The following ELOVL6 variants were observed in gnomAD, a reference collection of about 807,000 sequenced individuals.
ELOVL6 encodes very long chain fatty acid elongase 6.
ELOVL6 carries 8 observed loss-of-function variants against 31.7 expected under a neutral mutation model. The observed-to-expected ratio is 0.25, with a 90% confidence interval of 0.15 to 0.45. ELOVL6 has a LOEUF of 0.45. Among genes scored for constraint, ELOVL6 ranks in the 20% least tolerant of loss-of-function variants. The pLI is 1.00. For synonymous variants in ELOVL6, 101 were observed against 117.7 expected, an observed-to-expected ratio of 0.86 and a Z score of 0.92; for missense variants, 126 against 326.4, an observed-to-expected ratio of 0.39 and a Z score of 4.73.
intron 2 of ELOVL6, among the ~76,000 whole-genome samples, chr4:110,099,731 T>TCTGCC (rs1756686531): frequency 1.3e-5 from 2 of 152,292 alleles, no homozygotes; most frequent in Admixed American, 1.3e-4. Flanking sequence ...AGGTAACTGG[T>TCTGCC]AGAGGCTCCT....
At chr4:110,109,882 C>T (rs922707639) in intron 1 of ELOVL6, among the ~76,000 whole-genome samples, 1 of 152,100 alleles carries the variant, frequency 6.6e-6, no homozygotes, top group African/African-American at 2.4e-5. Flanking sequence ...TCTTTCATGT[C>T]GTATCTACAT....
Position 110,159,717 on chromosome 4 carries a change from G to A in ELOVL6, c.89+38530C>T, listed in dbSNP as rs147548143. On this transcript the variant is annotated intron_variant, in intron 1 of 3. Coordinates refer to ENST00000302274, the MANE Select transcript of ELOVL6 (RefSeq NM_024090.3). ...CGTTGGTGTTTCTAACAGTTACAGA[G>A]AATGCAAAGTCACCCTGCAAAAGGA... is the stretch of plus-strand genomic sequence containing the variant. 1.7e-3 allele frequency among the ~76,000 whole-genome samples: 255 copies of A among 152,190 alleles called. 2 individuals carry two copies. In the East Asian group the frequency reaches 0.036, roughly 22 times the overall value.
chr4:110,083,986 A>AT (rs1560813350), intron 2 of ELOVL6, among the ~76,000 whole-genome samples: 2 of 60,244 alleles, frequency 3.3e-5, no homozygotes, highest in Admixed American at 1.4e-4. Flanking sequence ...TATGCCATAT[A>AT]CGATATATAA....
At position 110,054,225 on chromosome 4, in the gene ELOVL6, A is replaced by G. The variant is rs547988324; in HGVS notation, c.374-2463T>C. 2.2e-4 allele frequency among the ~76,000 whole-genome samples: 33 copies of G among 152,342 alleles called. No individual in the cohort carries two copies. In the South Asian group the frequency reaches 6.2e-3, roughly 29 times the overall value. Reference sequence around the variant, plus strand: ...AAGATGCCAGATTTTTATGGTGTCTATAAGTGTCAGGCAGACTGATAATGA... The same window carrying G: ...AAGATGCCAGATTTTTATGGTGTCTGTAAGTGTCAGGCAGACTGATAATGA... On this transcript the variant is annotated intron_variant, in intron 3 of 3. Coordinates refer to ENST00000302274, the MANE Select transcript of ELOVL6 (RefSeq NM_024090.3).
intron 2 of ELOVL6, among the ~76,000 whole-genome samples, chr4:110,087,337 C>T (rs564385576): frequency 7.9e-5 from 12 of 152,242 alleles, no homozygotes; most frequent in Non-Finnish European, 1.2e-4. Flanking sequence ...TTTGATCAGA[C>T]GCTTCTCTAC....
intron 1 of ELOVL6, among the ~76,000 whole-genome samples, chr4:110,112,630 C>T (rs996183271): frequency 5.9e-5 from 9 of 151,872 alleles, no homozygotes; most frequent in Admixed American, 3.3e-4. Flanking sequence ...CCCAACACTT[C>T]GGGAGGCTGA....
At chr4:110,185,118 A>G (rs1170390874) in intron 1 of ELOVL6, among the ~76,000 whole-genome samples, 1 of 152,234 alleles carries the variant, frequency 6.6e-6, no homozygotes, top group Non-Finnish European at 1.5e-5. Context: ...CAGTGGACAA[A>G]GGATTTAGTG....
At chr4:110,085,974 T>C (rs1756252919) in intron 2 of ELOVL6, among the ~76,000 whole-genome samples, 1 of 152,198 alleles carries the variant, frequency 6.6e-6, no homozygotes, top group Non-Finnish European at 1.5e-5. Context: ...CTGAGATTAC[T>C]GGCTCTAATT....
intron 3 of ELOVL6, among the ~76,000 whole-genome samples, chr4:110,054,768 T>G (rs1484746270): frequency 1.3e-5 from 2 of 152,206 alleles, no homozygotes; most frequent in Non-Finnish European, 2.9e-5. Context: ...GTGTTTCTCC[T>G]GTCTGGAGGT....
At chr4:110,104,395 A>T (rs1756830488) in intron 2 of ELOVL6, among the ~76,000 whole-genome samples, 1 of 152,200 alleles carries the variant, frequency 6.6e-6, no homozygotes, top group South Asian at 2.1e-4. Flanking sequence ...ATTGCACTGA[A>T]ATAAAAAGTA....
intron 2 of ELOVL6, among the ~76,000 whole-genome samples, chr4:110,094,229 A>G (rs1016990881): frequency 2.0e-5 from 3 of 147,516 alleles, no homozygotes; most frequent in African/African-American, 7.5e-5. Flanking sequence ...AGCCTGGGCA[A>G]TAGAGCTAAA....
At chr4:110,088,893 A>T (rs2126238333) in intron 2 of ELOVL6, among the ~76,000 whole-genome samples, 1 of 86,428 alleles carries the variant, frequency 1.2e-5, no homozygotes, top group Admixed American at 1.1e-4. Flanking sequence ...TTAAAACTGT[A>T]TAAATTGTTT....
chr4:110,169,807 C>CTTTCT (rs1553962139), intron 1 of ELOVL6, among the ~76,000 whole-genome samples: 8 of 136,620 alleles, frequency 5.9e-5, no homozygotes, highest in African/African-American at 1.9e-4. Flanking sequence ...TTCTTTCTTT[C>CTTTCT]TTTTTTTTTT....
At position 110,172,051 on chromosome 4, in the gene ELOVL6, C is replaced by A. The variant is rs139989617; in HGVS notation, c.89+26196G>T. Among the ~76,000 whole-genome samples the A allele has an allele frequency of 4.0e-4, 61 of 152,178 alleles. 1 individual carries two copies. The East Asian group carries it at 0.011, about 28-fold the overall frequency. ...CCCTGAGTTCTCTGAGCCTGTCTAG[C>A]AAATTAGTGCAACCCAAAGTCATGA... On this transcript the variant is annotated intron_variant, in intron 1 of 3. Coordinates refer to ENST00000302274, the MANE Select transcript of ELOVL6 (RefSeq NM_024090.3).
Position 110,180,658 on chromosome 4 carries a change from G to A in ELOVL6, c.89+17589C>T, listed in dbSNP as rs375943819. On this transcript the variant is annotated intron_variant, in intron 1 of 3. Transcript: ENST00000302274. The stretch of plus-strand genomic sequence containing the variant: ...AATCAAGCAATTCTCCTGGCCTCAC[G>A]GCCTCAGCCTCCCAAAGTGCTGGGA... Among the ~76,000 whole-genome samples, 10 of 152,114 alleles carry A rather than the reference G, an allele frequency of 6.6e-5. No homozygotes were observed. In the East Asian group the frequency reaches 7.7e-4, roughly 12 times the overall value.
chr4:110,169,886 C>T lies in ELOVL6; in HGVS notation c.89+28361G>A, dbSNP rs866498391. ...ATGGTGCGATCTCAGCTCACTGCAA[C>T]CTCTGCCTCCCAGGTTCAAGCGATT... On this transcript the variant is annotated intron_variant, in intron 1 of 3. Coordinates refer to ENST00000302274, the MANE Select transcript of ELOVL6 (RefSeq NM_024090.3). 2.0e-5 allele frequency among the ~76,000 whole-genome samples: 3 copies of T among 149,962 alleles called. No individual in the cohort carries two copies. In the South Asian group the frequency reaches 6.3e-4, roughly 32 times the overall value.
At chr4:110,134,892 C>T (rs1023745764) in intron 1 of ELOVL6, among the ~76,000 whole-genome samples, 6 of 152,022 alleles carry the variant, frequency 3.9e-5, no homozygotes, top group African/African-American at 1.4e-4. Flanking sequence ...GAGTTCAAAG[C>T]TGCAGTAAGT....
intron 1 of ELOVL6, among the ~76,000 whole-genome samples, chr4:110,153,866 T>G (rs1274680641): frequency 5.3e-5 from 8 of 152,204 alleles, no homozygotes; most frequent in Admixed American, 5.2e-4. Context: ...TAGTTTCTAA[T>G]GCAATGTAAG....
intron 2 of ELOVL6, among the ~76,000 whole-genome samples, chr4:110,104,474 A>G (rs1756832355): frequency 1.3e-5 from 2 of 152,204 alleles, no homozygotes; most frequent in Admixed American, 6.6e-5. Context: ...AACACAGATC[A>G]TAAGAGTTTA....
Sources: gnomAD v4.1 joint callset for allele counts (sites outside exome capture counted in the v4.1 genomes callset) on GRCh38, gnomAD v4.1.1 for gene constraint, MANE v1.5 for transcripts, NCBI Gene and HGNC (gene_info 2026-07-23, HGNC 2026-07-21) for gene names.